The following CDH4 variants were observed in gnomAD, a reference collection of about 807,000 sequenced individuals.
CDH4 encodes cadherin-4.
Under a neutral mutation model 86.0 loss-of-function variants are expected in CDH4, and 33 were observed. The ratio of observed to expected loss-of-function variants is 0.38; its 90% CI spans 0.29 to 0.51. CDH4 has a LOEUF of 0.51. CDH4 is among the 20% of genes least tolerant of loss of function. The probability of loss-of-function intolerance (pLI) is 0.86; values close to 1 mark genes in which losing one functional copy is unlikely to be tolerated. For missense variants in CDH4, 1,114 were observed against 1,307.4 expected (o/e 0.85, Z 2.28); for synonymous variants, 555 against 549.4 (o/e 1.01, Z -0.14).
At chr20:61,557,071 G>A (rs889483483) in intron 2 of CDH4, among the ~76,000 whole-genome samples, 1 of 152,174 alleles carries the variant, frequency 6.6e-6, no homozygotes, top group African/African-American at 2.4e-5. Context: ...CCTTCCTCTT[G>A]GGTGTGTGGG....
At position 61,295,741 on chromosome 20, in the gene CDH4, G is replaced by A. The variant is rs541924141; in HGVS notation, c.169+40804G>A. Reference sequence around the variant, plus strand: ...GCTGGGGAAAAGCGGGGAAGGAGGCGGTGGCCAGGCAGACCCCTGTCCCTT... The same window carrying A: ...GCTGGGGAAAAGCGGGGAAGGAGGCAGTGGCCAGGCAGACCCCTGTCCCTT... On this transcript the variant is annotated intron_variant, in intron 2 of 15. Coordinates refer to ENST00000614565, the MANE Select transcript of CDH4 (RefSeq NM_001794.5). 4.6e-4 allele frequency among the ~76,000 whole-genome samples: 70 copies of A among 152,098 alleles called. 1 individual carries two copies. The highest frequency in any genetic ancestry group is 9.4e-4 in the Non-Finnish European group (64 of 68,012).
intron 6 of CDH4, among the ~76,000 whole-genome samples, chr20:61,867,868 G>A (rs1285602169): frequency 6.6e-6 from 1 of 152,210 alleles, no homozygotes; most frequent in Non-Finnish European, 1.5e-5. Flanking sequence ...CACGAGGCGC[G>A]ATGCATCTGC....
chr20:61,870,292 A>G (rs1003970941), intron 6 of CDH4, among the ~76,000 whole-genome samples: 6 of 152,186 alleles, frequency 3.9e-5, no homozygotes, highest in Non-Finnish European at 8.8e-5. Flanking sequence ...CATGCACAAA[A>G]GACCCTCGGG....
chr20:61,803,930 G>A (rs940438534), intron 4 of CDH4, among the ~76,000 whole-genome samples: 3 of 152,278 alleles, frequency 2.0e-5, no homozygotes, highest in African/African-American at 7.2e-5. Flanking sequence ...CTTCCAGGAG[G>A]CGGTGCCGAG....
At chr20:61,695,278 G>A (rs529024789) in intron 2 of CDH4, among the ~76,000 whole-genome samples, 1 of 152,376 alleles carries the variant, frequency 6.6e-6, no homozygotes, top group Non-Finnish European at 1.5e-5. Flanking sequence ...CCAGTTGCCC[G>A]CAGAGGCGTC....
chr20:61,473,210 A>G (rs943286394), intron 2 of CDH4, among the ~76,000 whole-genome samples: 3 of 152,264 alleles, frequency 2.0e-5, no homozygotes, highest in Non-Finnish European at 2.9e-5. Flanking sequence ...AGATAAGAAT[A>G]AGGTGGTAAA....
chr20:61,395,737 G>A (rs566173246), intron 2 of CDH4, among the ~76,000 whole-genome samples: 34 of 152,306 alleles, frequency 2.2e-4, no homozygotes, highest in African/African-American at 7.7e-4. Context: ...CCAAGATGGC[G>A]TCACCGCATT....
rs557258299 is a variant in CDH4 at position 61,302,469 on chromosome 20, G to A, written c.169+47532G>A. Among the ~76,000 whole-genome samples, 3 of 150,062 alleles carry A rather than the reference G, an allele frequency of 2.0e-5. 1 individual carries two copies. The South Asian group carries it at 6.3e-4, about 32-fold the overall frequency. On this transcript the variant is annotated intron_variant, in intron 2 of 15. Transcript: ENST00000614565. ...AGCATCCAGGATGTTTCCTGTATGT[G>A]TTTCCTTGGCCTGGGTTGGGGGGGG...
intron 2 of CDH4, among the ~76,000 whole-genome samples, chr20:61,448,441 G>A (rs1261099442): frequency 2.0e-5 from 3 of 152,170 alleles, no homozygotes; most frequent in South Asian, 2.1e-4. Context: ...AACAGAGTAC[G>A]GTTAATCATA....
chr20:61,451,946 C>G (rs2085383173), intron 2 of CDH4, among the ~76,000 whole-genome samples: 1 of 152,236 alleles, frequency 6.6e-6, no homozygotes, highest in South Asian at 2.1e-4. Flanking sequence ...AGATAATTGC[C>G]TAACACTTAA....
At chr20:61,264,620 A>G (rs1600815915) in intron 2 of CDH4, among the ~76,000 whole-genome samples, 1 of 148,436 alleles carries the variant, frequency 6.7e-6, no homozygotes. Flanking sequence ...AGTCCTACAC[A>G]TATCTCAGTG....
intron 2 of CDH4, among the ~76,000 whole-genome samples, chr20:61,354,570 C>T (rs980732376): frequency 6.6e-6 from 1 of 152,200 alleles, no homozygotes; most frequent in Non-Finnish European, 1.5e-5. Context: ...CCAGGCTTTC[C>T]CTTGCCCCAC....
In CDH4 at chr20:61,681,720, C is replaced by T. The variant is rs2087515598; in HGVS notation, c.170-61843C>T. ...GCATCGGGAAAGTCCGGGCTCAGTG[C>T]ATGTGGAGCTGCCACCCTAGAAAGC... On this transcript the variant is annotated intron_variant, in intron 2 of 15. Transcript: ENST00000614565. This position sits in a 1 kb window ranked among gnomAD's most constrained non-coding sequence, Gnocchi z 4.5. 2.0e-5 allele frequency among the ~76,000 whole-genome samples: 3 copies of T among 152,216 alleles called. No individual in the cohort carries two copies. Among genetic ancestry groups the T allele is most frequent in the Admixed American group, 2.0e-4 (3 of 15,284 alleles).
At chr20:61,649,330 G>A (rs921140166) in intron 2 of CDH4, among the ~76,000 whole-genome samples, 17 of 152,372 alleles carry the variant, frequency 1.1e-4, no homozygotes, top group East Asian at 5.8e-4. Context: ...TCAAAGAGGC[G>A]TGCTGGGCTC....
At chr20:61,773,368 C>T (rs1009804404) in intron 4 of CDH4, among the ~76,000 whole-genome samples, 186 bp downstream of exon 4, 2 of 152,232 alleles carry the variant, frequency 1.3e-5, no homozygotes, top group South Asian at 4.1e-4. Flanking sequence ...GCTGCGTCCT[C>T]CGCGGTGGAT....
rs1020502391 is a variant in CDH4 at position 61,663,330 on chromosome 20, T to C, written c.170-80233T>C. Among the ~76,000 whole-genome samples, 2 of 152,186 alleles carry C rather than the reference T, an allele frequency of 1.3e-5. No homozygotes were observed. Among genetic ancestry groups the C allele is most frequent in the African/African-American group, 4.8e-5 (2 of 41,446 alleles). The stretch of plus-strand genomic sequence containing the variant: ...CAGGAGGCCTGTGCTGCGGAGCTCC[T>C]GGGAGGGTGACGCTGGGGCAGGGGC... On this transcript the variant is annotated intron_variant, in intron 2 of 15. Transcript: ENST00000614565. This position sits in a 1 kb window ranked among gnomAD's most constrained non-coding sequence, Gnocchi z 5.0.
intron 2 of CDH4, among the ~76,000 whole-genome samples, chr20:61,693,880 C>CT (rs1182272601): frequency 1.7e-5 from 2 of 121,000 alleles, no homozygotes; most frequent in African/African-American, 3.1e-5. Flanking sequence ...GACACTCTTT[C>CT]TTTCTTTTTT....
intron 2 of CDH4, among the ~76,000 whole-genome samples, chr20:61,384,782 A>G (rs2084942378): frequency 6.6e-6 from 1 of 150,490 alleles, no homozygotes; most frequent in South Asian, 2.1e-4. Flanking sequence ...CTTTTTTTAT[A>G]CTTTTCTGTT....
At chr20:61,409,829 A>G (rs553283553) in intron 2 of CDH4, among the ~76,000 whole-genome samples, 8 of 152,228 alleles carry the variant, frequency 5.3e-5, no homozygotes, top group African/African-American at 1.7e-4. Context: ...AGAATATTCA[A>G]TGCTTCAGAA....
Sources: allele counts gnomAD v4.1 joint callset (sites outside exome capture counted in the v4.1 genomes callset), GRCh38; gene constraint gnomAD v4.1.1; non-coding constraint Gnocchi (gnomAD v3.1); transcripts MANE v1.5; gene names NCBI Gene and HGNC (gene_info 2026-07-23, HGNC 2026-07-21).